INAVA: variants seen among roughly 807,000 people sequenced by gnomAD.
The protein encoded by INAVA is innate immunity activator protein.
INAVA carries 32 observed loss-of-function variants against 55.3 expected under a neutral mutation model. That is an observed-to-expected ratio of 0.58 (90% CI 0.44 to 0.78). The LOEUF is 0.78. Among genes scored for constraint, INAVA ranks in the 30% least tolerant of loss-of-function variants. The probability of loss-of-function intolerance (pLI) is 0.00; values close to 1 mark genes in which losing one functional copy is unlikely to be tolerated. For synonymous variants in INAVA, 294 were observed against 329.4 expected, an observed-to-expected ratio of 0.89 and a Z score of 1.16; for missense variants, 756 against 786.4, an observed-to-expected ratio of 0.96 and a Z score of 0.46.
intron 1 of INAVA, among the ~76,000 whole-genome samples, chr1:200,896,168 T>G (rs1668346740): frequency 6.6e-6 from 1 of 152,166 alleles, no homozygotes; most frequent in Non-Finnish European, 1.5e-5. Flanking sequence ...GGCCCAACTT[T>G]CCAAGGCAAC....
At position 200,908,766 on chromosome 1, in the gene INAVA, C is replaced by T. The variant is rs765575216; in HGVS notation, c.611C>T (p.Pro204Leu). Residue 204 changes from proline (P) to leucine (L), a missense_variant, in exon 7 of 10, where the codon CCA becomes CTA. Coordinates refer to ENST00000413687, the MANE Select transcript of INAVA (RefSeq NM_001142569.3). ...SQVPKPPPES[P>L]APPSRPLPPQ... ...GTGCCAAAACCTCCTCCAGAGTCTC[C>T]AGCCCCACCTTCTCGGCCTCTCCCA... The T allele has an allele frequency of 7.5e-6, 12 of 1,605,876 alleles. No homozygotes were observed. The highest frequency in any genetic ancestry group is 1.7e-4 in the Middle Eastern group (1 of 6,022).
chr1:200,901,835 G>C (rs1260577513), intron 5 of INAVA, among the ~76,000 whole-genome samples: 1 of 152,186 alleles, frequency 6.6e-6, no homozygotes, highest in Non-Finnish European at 1.5e-5. Flanking sequence ...GAGACTAGTG[G>C]CCGTGGGGGC....
At chr1:200,893,347 T>C (rs1668273430), upstream of INAVA, among the ~76,000 whole-genome samples, 1 of 152,258 alleles carries the variant, frequency 6.6e-6, no homozygotes, top group Non-Finnish European at 1.5e-5. Context: ...CTTCTTAATT[T>C]TATTTTATGC....
chr1:200,908,167 T>C (rs953430062), intron 6 of INAVA: 14 of 357,972 alleles, frequency 3.9e-5, no homozygotes, highest in African/African-American at 2.9e-4. Flanking sequence ...ATGTCCCTCC[T>C]TCACCCTTGG....
intron 8 of INAVA, among the ~76,000 whole-genome samples, 169 bp from the exon 9 acceptor site, chr1:200,911,284 A>G (rs1406617173): frequency 2.6e-5 from 4 of 152,022 alleles, no homozygotes; most frequent in African/African-American, 9.7e-5. Flanking sequence ...AGCCCGGCAG[A>G]GGGTTTGTTG....
At chr1:200,910,127 C>A (rs1205096287) in intron 8 of INAVA, among the ~76,000 whole-genome samples, 1 of 152,072 alleles carries the variant, frequency 6.6e-6, no homozygotes, top group Non-Finnish European at 1.5e-5. Context: ...CTAATCAAAG[C>A]AAAAACACAC....
chr1:200,910,632 AGTAT>A (rs1653671784), intron 8 of INAVA, among the ~76,000 whole-genome samples: 1 of 152,228 alleles, frequency 6.6e-6, no homozygotes, highest in East Asian at 1.9e-4. Flanking sequence ...TCCAGCCTAG[AGTAT>A]AGTGGCGCAA....
rs45547233 is a variant in INAVA at position 200,911,741 on chromosome 1, A to G, written c.1248A>G (p.Arg416=). Residue 416 remains arginine (R), a synonymous_variant, in exon 9 of 10, where the codon AGA becomes AGG. Coordinates refer to ENST00000413687, the MANE Select transcript of INAVA (RefSeq NM_001142569.3). ...HRGAWVPAGS[R]ELVAHHPKLL... is the part of the protein sequence containing the mutation. ...GGGCCTGGGTCCCAGCCGGCAGCAG[A>G]GAGCTGGTCGCCCACCACCCCAAGC... is the stretch of plus-strand genomic sequence containing the variant. 5 of 1,611,912 alleles carry G rather than the reference A, an allele frequency of 3.1e-6. No individual in the cohort carries two copies. Among genetic ancestry groups the G allele is most frequent in the Non-Finnish European group, 4.2e-6 (5 of 1,178,638 alleles).
chr1:200,894,706 C>T (rs553581530), upstream of INAVA: 1 of 792,316 alleles, frequency 1.3e-6, no homozygotes, highest in Admixed American at 6.2e-5. Flanking sequence ...AGACATGACT[C>T]TTGTTGTTGT....
upstream of INAVA, chr1:200,891,681 C>A: frequency 6.8e-7 from 1 of 1,480,034 alleles, no homozygotes; most frequent in Non-Finnish European, 8.9e-7. Flanking sequence ...AGGCGGGCGG[C>A]GCCAGAGCTC....
At chr1:200,908,523 G>T (rs1044771723) in intron 6 of INAVA, 3 of 473,618 alleles carry the variant, frequency 6.3e-6, no homozygotes, top group East Asian at 7.1e-5. Flanking sequence ...AAGGAGGAAG[G>T]CATAAAATAG....
At position 200,899,730 on chromosome 1, in the gene INAVA, G is replaced by A. The variant is rs112000467; in HGVS notation, c.180+133G>A. ...TCTGGACATCAGGCTGGGGGCTGGG[G>A]CCCAGAGTCCCCATGATGCAGTGTT... is the stretch of plus-strand genomic sequence containing the variant. On this transcript the variant is annotated intron_variant, in intron 3 of 9. Coordinates refer to ENST00000413687, the MANE Select transcript of INAVA (RefSeq NM_001142569.3). The A allele has an allele frequency of 1.9e-3, 2,529 of 1,336,974 alleles. 38 individuals carry two copies. In the African/African-American group the frequency reaches 0.032, roughly 17 times the overall value. The allele number at this position is 1,336,974 out of a possible 1,614,324, so 82.8% of individuals were successfully genotyped here.
rs531916376 is a variant in INAVA at position 200,909,542 on chromosome 1, C to T, written c.959+145C>T. 2.3e-4 allele frequency: 161 copies of T among 697,146 alleles called. No individual in the cohort carries two copies. In the African/African-American group the frequency reaches 2.7e-3, roughly 12 times the overall value. The allele number at this position is 697,146 out of a possible 1,614,324, so 43.2% of individuals were successfully genotyped here. A position where few individuals can be genotyped will look rare whatever the true frequency, so the allele number is the denominator to read the frequency against. ...CTCTTAGGATCTCTTCTTGGGGCGC[C>T]TCTTGACAGAGAATGCACTGCACCC... is the stretch of plus-strand genomic sequence containing the variant. On this transcript the variant is annotated intron_variant, in intron 8 of 9. Coordinates refer to ENST00000413687, the MANE Select transcript of INAVA (RefSeq NM_001142569.3).
chr1:200,896,059 C>T (rs776913969), intron 1 of INAVA, among the ~76,000 whole-genome samples: 37 of 152,252 alleles, frequency 2.4e-4, no homozygotes, highest in Non-Finnish European at 4.4e-4. Flanking sequence ...GAAGGGGAAG[C>T]TGGCGGAGAC....
Position 200,899,597 on chromosome 1 carries a change from G to T in INAVA, c.180G>T (p.Ala60=), listed in dbSNP as rs867224605. 7 of 1,611,820 alleles carry T rather than the reference G, an allele frequency of 4.3e-6. No individual in the cohort carries two copies. Among genetic ancestry groups the T allele is most frequent in the Non-Finnish European group, 5.1e-6 (6 of 1,179,486 alleles). ...TGAGGAGACTCTGCCTTCGGGAAGC[G>T]GTGAGGCCCCAGCCAGCACACACAA... ...EELRRLCLRE[A]ELTGTLPAEY... is the part of the protein sequence containing the mutation. The change falls in exon 3 of 10, where the codon GCG becomes GCT. Residue 60 remains alanine, a splice_region_variant and synonymous_variant. Transcript: ENST00000413687.
At chr1:200,900,790 G>A (rs1366124200) in intron 4 of INAVA, 147 bp from the exon 5 acceptor site, 4 of 581,144 alleles carry the variant, frequency 6.9e-6, no homozygotes, top group South Asian at 5.4e-5. Flanking sequence ...TCTGCTCCAC[G>A]TCCGTCCATT....
Position 200,901,086 on chromosome 1 carries a change from G to C in INAVA, c.447G>C (p.Glu149Asp), listed in dbSNP as rs777884844. ...SMLQEEKKLQ[E>D]LQRCLVERRR... is the part of the protein sequence containing the mutation. ...TGCAGGAGGAGAAGAAGCTGCAGGAGCTCCAGCGCTGCCTGGTCGAGCGGC... is the reference window on the plus strand; with the variant it reads ...TGCAGGAGGAGAAGAAGCTGCAGGACCTCCAGCGCTGCCTGGTCGAGCGGC... Residue 149 changes from glutamate (E) to aspartate (D), a missense_variant, in exon 5 of 10, where the codon GAG becomes GAC. Physicochemically the swap from Glu to Asp is conservative, Grantham distance 45. Coordinates refer to ENST00000413687, the MANE Select transcript of INAVA (RefSeq NM_001142569.3). 3.1e-5 allele frequency: 48 copies of C among 1,539,020 alleles called. No homozygotes were observed. The highest frequency in any genetic ancestry group is 4.1e-5 in the Non-Finnish European group (47 of 1,146,050).
upstream of INAVA, chr1:200,891,579 G>A (rs140682903): frequency 1.9e-6 from 3 of 1,595,152 alleles, no homozygotes; most frequent in Admixed American, 3.5e-5. Flanking sequence ...TACCTCCGGG[G>A]AGGGCAGGCC....
At chr1:200,905,805 G>T (rs1167249754) in intron 5 of INAVA, among the ~76,000 whole-genome samples, 2 of 152,236 alleles carry the variant, frequency 1.3e-5, no homozygotes. Context: ...CTGTTGTAAG[G>T]GATTTCAAGA....
Sources: allele counts gnomAD v4.1 joint callset (sites outside exome capture counted in the v4.1 genomes callset), GRCh38; gene constraint gnomAD v4.1.1; transcripts MANE v1.5; gene names NCBI Gene and HGNC (gene_info 2026-07-23, HGNC 2026-07-21).